Variants in PHF2 observed in about 807,000 individuals in gnomAD.
The protein encoded by PHF2 is PHD finger protein 2.
A neutral mutation model predicts 120.5 loss-of-function variants in PHF2; 27 were observed. The ratio of observed to expected loss-of-function variants is 0.22; its 90% CI spans 0.17 to 0.31. PHF2 has a LOEUF of 0.31. Among genes scored for constraint, PHF2 ranks in the 10% least tolerant of loss-of-function variants. The pLI is 1.00. For synonymous variants in PHF2, 568 were observed against 592.5 expected (o/e 0.96, Z 0.60); for missense variants, 1,024 against 1,434.8 (o/e 0.71, Z 4.63).
intron 1 of PHF2, among the ~76,000 whole-genome samples, chr9:93,629,528 G>A (rs909834041): frequency 6.6e-6 from 1 of 152,190 alleles, no homozygotes; most frequent in Non-Finnish European, 1.5e-5. Flanking sequence ...GGATGAGCTG[G>A]ATGGGTGGCT....
intron 1 of PHF2, among the ~76,000 whole-genome samples, chr9:93,590,304 T>C (rs1331622664): frequency 6.6e-6 from 1 of 152,242 alleles, no homozygotes; most frequent in Admixed American, 6.5e-5. Context: ...TAGAGTTGTG[T>C]CAGTAGCCCT....
At position 93,656,122 on chromosome 9, in the gene PHF2, C is replaced by A; in HGVS notation, c.1040+101C>A. The A allele has an allele frequency of 2.2e-6, 2 of 922,890 alleles. No individual in the cohort carries two copies. The highest frequency in any genetic ancestry group is 3.4e-6 in the Non-Finnish European group (2 of 594,904). The allele number at this position is 922,890 out of a possible 1,614,324, so 57.2% of individuals were successfully genotyped here. On this transcript the variant is annotated intron_variant, in intron 8 of 21. Coordinates refer to ENST00000359246, the MANE Select transcript of PHF2 (RefSeq NM_005392.4). This position sits in a 1 kb window ranked among gnomAD's most constrained non-coding sequence, Gnocchi z 4.1. ...CCTTGGGCTGAGTCCTGGCACAGCC[C>A]GCCTGTGGGTGGCCTGGACATGACC...
At chr9:93,577,353 CG>C (rs1862844531) in intron 1 of PHF2, among the ~76,000 whole-genome samples, 1 of 151,888 alleles carries the variant, frequency 6.6e-6, no homozygotes, top group African/African-American at 2.4e-5. Flanking sequence ...GCGCGGGTCC[CG>C]GGAGAGGCGC....
At chr9:93,607,153 G>T (rs1452204281) in intron 1 of PHF2, among the ~76,000 whole-genome samples, 1 of 152,150 alleles carries the variant, frequency 6.6e-6, no homozygotes, top group Non-Finnish European at 1.5e-5. Flanking sequence ...CTCTGACTTT[G>T]TTTTTCTCCA....
At chr9:93,669,200 GC>G (rs1389863128) in intron 17 of PHF2, among the ~76,000 whole-genome samples, 1 of 152,212 alleles carries the variant, frequency 6.6e-6, no homozygotes, top group Non-Finnish European at 1.5e-5. Context: ...CCACCCCCCA[GC>G]CCCCCGTGGC....
At chr9:93,657,782 C>A (rs540547622) in intron 9 of PHF2, among the ~76,000 whole-genome samples, 1 of 152,282 alleles carries the variant, frequency 6.6e-6, no homozygotes, top group African/African-American at 2.4e-5. Flanking sequence ...TTGGGGATGC[C>A]TGGTGTGGGC....
At chr9:93,646,195 C>CGCGT (rs1473488649) in intron 4 of PHF2, among the ~76,000 whole-genome samples, 1 of 152,236 alleles carries the variant, frequency 6.6e-6, no homozygotes, top group Non-Finnish European at 1.5e-5. Context: ...CCTGCCCCCA[C>CGCGT]GGCACCAGAA....
intron 1 of PHF2, among the ~76,000 whole-genome samples, chr9:93,586,930 G>A (rs1304143176): frequency 2.0e-5 from 3 of 152,246 alleles, no homozygotes; most frequent in Non-Finnish European, 4.4e-5. Context: ...ACTGCACTGT[G>A]TGGGGTGAGG....
chr9:93,583,721 T>G (rs1372384662), intron 1 of PHF2, among the ~76,000 whole-genome samples: 1 of 152,244 alleles, frequency 6.6e-6, no homozygotes, highest in African/African-American at 2.4e-5. Flanking sequence ...GACAAATGTC[T>G]ACTCAAGGCC....
rs777839838 is a variant in PHF2 at position 93,666,057 on chromosome 9, C to T, written c.2184C>T (p.Tyr728=). ...AGCCAAAGCTGGACTCGGCAGCGTA[C>T]AAGGTGAGCTGCCTTACAGGCCCCC... is the stretch of plus-strand genomic sequence containing the variant. ...VTKPKLDSAA[Y]KSDDSSDEGS... Residue 728 remains tyrosine, a synonymous_variant, in exon 16 of 22, where the codon TAC becomes TAT. Transcript: ENST00000359246. 1 of 1,612,600 alleles carries T rather than the reference C, an allele frequency of 6.2e-7. No individual in the cohort carries two copies. Among genetic ancestry groups the T allele is most frequent in the Non-Finnish European group, 8.5e-7 (1 of 1,179,222 alleles).
chr9:93,651,599 C>T (rs1375976707), intron 5 of PHF2, among the ~76,000 whole-genome samples: 1 of 152,074 alleles, frequency 6.6e-6, no homozygotes, highest in Non-Finnish European at 1.5e-5. Flanking sequence ...CTCAGGGGGG[C>T]CCACAGTGAC....
At position 93,591,922 on chromosome 9, in the gene PHF2, G is replaced by A. The variant is rs200159989; in HGVS notation, c.98+15051G>A. ...GCTGCTCACCTGCAGAGGCCTTGAGGCTCTGGGCTGTGAATACATACCTGC... is the reference window on the plus strand; with the variant it reads ...GCTGCTCACCTGCAGAGGCCTTGAGACTCTGGGCTGTGAATACATACCTGC... On this transcript the variant is annotated intron_variant, in intron 1 of 21. Transcript: ENST00000359246. Among the ~76,000 whole-genome samples, 15 of 152,352 alleles carry A rather than the reference G, an allele frequency of 9.8e-5. No individual in the cohort carries two copies. The East Asian group carries it at 2.9e-3, about 29-fold the overall frequency.
intron 3 of PHF2, among the ~76,000 whole-genome samples, 192 bp downstream of exon 3, chr9:93,636,717 C>T (rs10821185): frequency 0.33 from 50,661 of 152,164 alleles, 8,897 homozygotes; most frequent in Non-Finnish European, 0.39. Flanking sequence ...ATGGGCCAAC[C>T]TCTCCTTCCC....
intron 13 of PHF2, among the ~76,000 whole-genome samples, chr9:93,663,306 C>G (rs1357891049): frequency 6.6e-6 from 1 of 152,140 alleles, no homozygotes; most frequent in East Asian, 1.9e-4. Flanking sequence ...GTTTTCATTC[C>G]CACTCCATGG....
At chr9:93,585,352 T>C (rs1863019810) in intron 1 of PHF2, among the ~76,000 whole-genome samples, 2 of 152,242 alleles carry the variant, frequency 1.3e-5, no homozygotes, top group Non-Finnish European at 2.9e-5. Context: ...GGGGCTATCT[T>C]TTTGGCTACA....
At position 93,660,396 on chromosome 9, in the gene PHF2, C is replaced by T; in HGVS notation, c.1534C>T (p.Pro512Ser). ...CAAAATCCCCAAGCCCCCGAAGCCCCCTAAGCCCCCAAGGCCCCCCAAAAC... is the reference window on the plus strand; with the variant it reads ...CAAAATCCCCAAGCCCCCGAAGCCCTCTAAGCCCCCAAGGCCCCCCAAAAC... ...PSKIPKPPKP[P>S]KPPRPPKTLK... The change falls in exon 12 of 22, where the codon CCT (proline) becomes TCT (serine). Residue 512 changes from proline to serine, a missense_variant. This residue lies in a region of PHF2 where 677 missense variants were observed against 857.4 expected (regional missense o/e 0.79). Transcript: ENST00000359246. The T allele has an allele frequency of 6.5e-7, 1 of 1,533,618 alleles. No individual in the cohort carries two copies. The highest frequency in any genetic ancestry group is 8.8e-7 in the Non-Finnish European group (1 of 1,136,382).
rs1269302610 is a variant in PHF2, at chr9:93,679,503, T to G, written c.*1827T>G. ...AAAGTGTTTTATTTCCCAATTCATA[T>G]TACTCTTGTATCGAGTCCATGAGGT... On this transcript the variant is annotated 3_prime_UTR_variant, in exon 22 of 22. Transcript: ENST00000359246. The G allele has an allele frequency of 3.3e-6, 1 of 302,292 alleles. No individual in the cohort carries two copies. The highest frequency in any genetic ancestry group is 1.0e-4 in the East Asian group (1 of 9,900). 18.7% of individuals were successfully genotyped at this position (302,292 alleles called of 1,614,324 possible).
Position 93,660,568 on chromosome 9 carries a change from C to T in PHF2, c.1698+8C>T. ...CCGCCCAAGAAGGGCAAGGTGGGAC[C>T]CCCTCACCCTGACTCCCCACCTTAT... On this transcript the variant is annotated splice_region_variant and intron_variant, in intron 12 of 21. Transcript: ENST00000359246. The T allele has an allele frequency of 3.2e-6, 5 of 1,542,624 alleles. No homozygotes were observed. Among genetic ancestry groups the T allele is most frequent in the Non-Finnish European group, 4.3e-6 (5 of 1,150,104 alleles).
At chr9:93,583,273 T>C (rs911906939) in intron 1 of PHF2, among the ~76,000 whole-genome samples, 26 of 152,366 alleles carry the variant, frequency 1.7e-4, no homozygotes, top group Admixed American at 1.4e-3. Flanking sequence ...CTGAATAATA[T>C]TTCATTGTGT....
Sources: allele counts gnomAD v4.1 joint callset (sites outside exome capture counted in the v4.1 genomes callset), GRCh38; gene constraint gnomAD v4.1.1; regional missense constraint gnomAD v4.1.1; non-coding constraint Gnocchi (gnomAD v3.1); transcripts MANE v1.5; gene names NCBI Gene and HGNC (gene_info 2026-07-23, HGNC 2026-07-21).